The following SORCS3 variants were observed in gnomAD, a reference collection of about 807,000 sequenced individuals.
SORCS3 encodes the protein VPS10 domain-containing receptor SorCS3.
A neutral mutation model predicts 146.3 loss-of-function variants in SORCS3; 57 were observed. That is an observed-to-expected ratio of 0.39 (90% CI 0.31 to 0.49). The LOEUF (loss-of-function observed/expected upper bound fraction) is 0.49, where lower values mean the gene tolerates loss of function less well. SORCS3 is among the 20% of genes least tolerant of loss of function. SORCS3 has a pLI of 0.92. For missense variants in SORCS3, 1,341 were observed against 1,575.5 expected (o/e 0.85, Z 2.52); for synonymous variants, 653 against 618.5 (o/e 1.06, Z -0.83).
intron 4 of SORCS3, among the ~76,000 whole-genome samples, chr10:105,011,905 G>A (rs577213833): frequency 6.6e-6 from 1 of 152,232 alleles, no homozygotes; most frequent in African/African-American, 2.4e-5. Context: ...AGCATTTATT[G>A]TTATAGTTGG....
intron 22 of SORCS3, among the ~76,000 whole-genome samples, chr10:105,248,672 G>T (rs907687870): frequency 7.2e-6 from 1 of 139,628 alleles, no homozygotes; most frequent in Admixed American, 7.8e-5. Context: ...GAGATATTGC[G>T]CCACTGCACT....
intron 1 of SORCS3, among the ~76,000 whole-genome samples, chr10:104,799,739 G>A (rs952767010): frequency 2.6e-5 from 4 of 151,876 alleles, no homozygotes; most frequent in South Asian, 2.1e-4. Flanking sequence ...GCAGTGGTGC[G>A]ATCTTGGCTC....
At chr10:105,120,285 G>A (rs2055922595) in intron 7 of SORCS3, among the ~76,000 whole-genome samples, 1 of 152,138 alleles carries the variant, frequency 6.6e-6, no homozygotes, top group African/African-American at 2.4e-5. Flanking sequence ...TTCCAGCCAT[G>A]TAGAACTGTG....
chr10:104,642,015 T>TGGGGGGGGGGGGG, intron 1 of SORCS3, 61 bp downstream of exon 1: 1 of 72,126 alleles, frequency 1.4e-5, no homozygotes, highest in South Asian at 6.8e-5. Flanking sequence ...AATGGGGGGG[T>TGGGGGGGGGGGGG]GGGTGGGAGC....
intron 1 of SORCS3, among the ~76,000 whole-genome samples, chr10:104,785,017 G>T (rs934198308): frequency 2.6e-5 from 4 of 152,110 alleles, no homozygotes; most frequent in African/African-American, 4.8e-5. Context: ...TTCCCAGTAG[G>T]GGCGGCCGGG....
intron 1 of SORCS3, among the ~76,000 whole-genome samples, chr10:104,717,622 TAGG>T (rs1337590847): frequency 2.0e-5 from 3 of 152,134 alleles, no homozygotes; most frequent in Admixed American, 2.0e-4. Flanking sequence ...CAGTGACAAG[TAGG>T]AGACCTCTGA....
At chr10:104,762,595 T>C (rs2133477544) in intron 1 of SORCS3, among the ~76,000 whole-genome samples, 1 of 152,306 alleles carries the variant, frequency 6.6e-6, no homozygotes, top group African/African-American at 2.4e-5. Flanking sequence ...TCTCAAATTG[T>C]AATCCTAATG....
chr10:104,954,231 GGT>G (rs1475190321), intron 3 of SORCS3, among the ~76,000 whole-genome samples: 4 of 152,176 alleles, frequency 2.6e-5, no homozygotes, highest in Non-Finnish European at 4.4e-5. Context: ...AGAAAATTGT[GGT>G]CCTATTATTA....
intron 1 of SORCS3, among the ~76,000 whole-genome samples, chr10:104,757,861 C>A (rs543958358): frequency 4.1e-3 from 227 of 55,330 alleles, no homozygotes; most frequent in African/African-American, 0.016. Flanking sequence ...GCCACCACCC[C>A]CCCCCCCACA....
intron 1 of SORCS3, among the ~76,000 whole-genome samples, chr10:104,836,867 A>G (rs57543634): frequency 0.099 from 14,998 of 151,866 alleles, 916 homozygotes; most frequent in South Asian, 0.24. Context: ...GCTCTTTTCT[A>G]TCTACCCCTG....
rs77654357 is a variant in SORCS3, at chr10:105,060,124, T to C, written c.1028+16996T>C. On this transcript the variant is annotated intron_variant, in intron 5 of 26. Transcript: ENST00000369701. ...TCAGAGGAGTGGCATCAGTAATGTG[T>C]TCATGGAGGAGTTGGAATTTGAGGG... Among the ~76,000 whole-genome samples the C allele has an allele frequency of 3.5e-3, 535 of 152,256 alleles. 29 individuals carry two copies. The East Asian group carries it at 0.095, about 27-fold the overall frequency.
intron 3 of SORCS3, among the ~76,000 whole-genome samples, chr10:104,972,646 G>C (rs1444701177): frequency 2.0e-5 from 3 of 151,998 alleles, no homozygotes; most frequent in Non-Finnish European, 2.9e-5. Flanking sequence ...AAGAGAGAGA[G>C]AGAGAGACAG....
chr10:105,022,364 C>T (rs1185206912), intron 4 of SORCS3, among the ~76,000 whole-genome samples: 1 of 146,660 alleles, frequency 6.8e-6, no homozygotes, highest in African/African-American at 2.5e-5. Flanking sequence ...ATGGGGCAAT[C>T]TCGGCTCATT....
At chr10:104,857,864 A>G (rs1199364574) in intron 2 of SORCS3, among the ~76,000 whole-genome samples, 2 of 152,184 alleles carry the variant, frequency 1.3e-5, no homozygotes, top group African/African-American at 2.4e-5. Flanking sequence ...AAGTGACGTG[A>G]CTTCTTAAAC....
intron 1 of SORCS3, among the ~76,000 whole-genome samples, chr10:104,788,075 G>A (rs900224565): frequency 3.2e-4 from 49 of 152,170 alleles, no homozygotes; most frequent in African/African-American, 1.2e-3. Flanking sequence ...CCTAGAGAGG[G>A]AGGCTTTTAT....
chr10:105,223,632 G>A (rs1422065627), intron 20 of SORCS3, among the ~76,000 whole-genome samples: 2 of 152,184 alleles, frequency 1.3e-5, no homozygotes, highest in Admixed American at 6.5e-5. Flanking sequence ...ATATCTAAAT[G>A]TAGGGTTGCC....
At chr10:105,187,142 G>A (rs1381573970) in intron 14 of SORCS3, among the ~76,000 whole-genome samples, 1 of 152,044 alleles carries the variant, frequency 6.6e-6, no homozygotes, top group Non-Finnish European at 1.5e-5. Context: ...ATTCATTTTA[G>A]AAATCATCTT....
chr10:105,241,490 G>A (rs2056822958), intron 20 of SORCS3, among the ~76,000 whole-genome samples: 2 of 152,226 alleles, frequency 1.3e-5, no homozygotes, highest in African/African-American at 4.8e-5. Context: ...GCCTTGTCAT[G>A]TGGGGCAGCT....
At chr10:105,074,434 G>A (rs894702325) in intron 5 of SORCS3, among the ~76,000 whole-genome samples, 1 of 152,160 alleles carries the variant, frequency 6.6e-6, no homozygotes, top group Non-Finnish European at 1.5e-5. Flanking sequence ...ATCATGGTGG[G>A]CACAGCAGCC....
Sources: gnomAD v4.1 joint callset for allele counts (sites outside exome capture counted in the v4.1 genomes callset) on GRCh38, gnomAD v4.1.1 for gene constraint, MANE v1.5 for transcripts, NCBI Gene and HGNC (gene_info 2026-07-23, HGNC 2026-07-21) for gene names.